The following DLGAP2 variants were observed in gnomAD, a reference collection of about 807,000 sequenced individuals.
The protein encoded by DLGAP2 is DLG associated protein 2.
A neutral mutation model predicts 100.3 loss-of-function variants in DLGAP2; 26 were observed. That is an observed-to-expected ratio of 0.26 (90% CI 0.19 to 0.36). The LOEUF (loss-of-function observed/expected upper bound fraction) is 0.36. Ranked by LOEUF, DLGAP2 falls within the 10% of genes least tolerant of loss-of-function variation. The pLI is 1.00. For synonymous variants in DLGAP2, 886 were observed against 630.1 expected (o/e 1.41, Z -6.08); for missense variants, 1,858 against 1,453.2 (o/e 1.28, Z -4.53).
chr8:1,130,819 G>A (rs140306829), intron 2 of DLGAP2, among the ~76,000 whole-genome samples: 35 of 140,600 alleles, frequency 2.5e-4, no homozygotes, highest in Non-Finnish European at 4.6e-4. Context: ...CGGCTGGGCT[G>A]AGAGACCGGA....
intron 2 of DLGAP2, among the ~76,000 whole-genome samples, chr8:1,090,624 C>G (rs1392246051): frequency 6.6e-6 from 1 of 152,202 alleles, no homozygotes; most frequent in Non-Finnish European, 1.5e-5. Context: ...GGTCTTGCCT[C>G]TTGCTGACTG....
chr8:1,117,721 C>T (rs549547848), intron 2 of DLGAP2, among the ~76,000 whole-genome samples: 1 of 152,274 alleles, frequency 6.6e-6, no homozygotes, highest in South Asian at 2.1e-4. Flanking sequence ...GGCTGTTCTC[C>T]AGACCAGGAC....
chr8:1,674,338 C>T (rs1798760274), intron 10 of DLGAP2, among the ~76,000 whole-genome samples: 1 of 152,220 alleles, frequency 6.6e-6, no homozygotes, highest in African/African-American at 2.4e-5. Flanking sequence ...AGCCACCATG[C>T]CCAGCTCCAT....
chr8:1,607,959 G>GT (rs1796863522), intron 6 of DLGAP2, among the ~76,000 whole-genome samples: 1 of 143,228 alleles, frequency 7.0e-6, no homozygotes, highest in Non-Finnish European at 1.5e-5. Context: ...AGCGAGGCTG[G>GT]GGGAGGGGCG....
At chr8:1,313,259 G>C (rs977616456) in intron 3 of DLGAP2, among the ~76,000 whole-genome samples, 1 of 152,232 alleles carries the variant, frequency 6.6e-6, no homozygotes, top group African/African-American at 2.4e-5. Context: ...CTGGAATCTT[G>C]TTGTTGTTCA....
Position 1,455,869 on chromosome 8 carries a change from G to A in DLGAP2, c.107-45497G>A, listed in dbSNP as rs538009121. ...ACAGACTCCAGGACGGCAGGCGGTCGGTCTGTCTTGTTCACTGTCTCGGCC... is the reference window on the plus strand; with the variant it reads ...ACAGACTCCAGGACGGCAGGCGGTCAGTCTGTCTTGTTCACTGTCTCGGCC... On this transcript the variant is annotated intron_variant, in intron 3 of 14. Transcript: ENST00000637795. 5.9e-5 allele frequency among the ~76,000 whole-genome samples: 9 copies of A among 152,274 alleles called. No individual in the cohort carries two copies. In the South Asian group the frequency reaches 1.7e-3, roughly 28 times the overall value.
chr8:1,158,867 A>G (rs575509060), intron 2 of DLGAP2, among the ~76,000 whole-genome samples: 26 of 152,176 alleles, frequency 1.7e-4, no homozygotes, highest in Admixed American at 2.6e-4. Context: ...CTTACTTCCT[A>G]TTTTCCAAAG....
chr8:999,136 T>G (rs995444122), intron 2 of DLGAP2, among the ~76,000 whole-genome samples: 1 of 152,074 alleles, frequency 6.6e-6, no homozygotes, highest in East Asian at 1.9e-4. Flanking sequence ...CTGATATTTG[T>G]TATTCTGCAC....
intron 8 of DLGAP2, among the ~76,000 whole-genome samples, chr8:1,640,712 C>T (rs1797877345): frequency 6.6e-6 from 1 of 152,136 alleles, no homozygotes; most frequent in South Asian, 2.1e-4. Flanking sequence ...CGGGCCTGAG[C>T]ACAGCACCAA....
rs140014776 is a variant in DLGAP2, at chr8:849,606, G to C, written c.19-58306G>C. ...GTTCCAGCGGTGCAACATCCTTCCAGGACCCCTGTAGCCTGGGCTAATGGT... is the reference window on the plus strand; with the variant it reads ...GTTCCAGCGGTGCAACATCCTTCCACGACCCCTGTAGCCTGGGCTAATGGT... On this transcript the variant is annotated intron_variant, in intron 1 of 14. Coordinates refer to ENST00000637795, the MANE Select transcript of DLGAP2 (RefSeq NM_001346810.2). 3.5e-3 allele frequency among the ~76,000 whole-genome samples: 537 copies of C among 152,250 alleles called. 4 individuals carry two copies. The highest frequency in any genetic ancestry group is 6.1e-3 in the Non-Finnish European group (418 of 68,024).
chr8:1,286,078 C>T (rs1205040925), intron 3 of DLGAP2, among the ~76,000 whole-genome samples: 3 of 152,196 alleles, frequency 2.0e-5, no homozygotes, highest in Admixed American at 6.5e-5. Flanking sequence ...GTAGTAATCG[C>T]TGTGTGTCAA....
intron 2 of DLGAP2, among the ~76,000 whole-genome samples, chr8:1,246,346 G>A (rs966305485): frequency 6.6e-6 from 1 of 152,158 alleles, no homozygotes; most frequent in Admixed American, 6.5e-5. Context: ...TCAAGCGATG[G>A]TGCTTTTGGA....
intron 2 of DLGAP2, among the ~76,000 whole-genome samples, chr8:1,244,741 G>C (rs1183966814): frequency 6.6e-6 from 1 of 152,176 alleles, no homozygotes; most frequent in Non-Finnish European, 1.5e-5. Context: ...GACACCCAAA[G>C]CGCAAAGCAC....
chr8:1,300,326 A>AG (rs1800303190), intron 3 of DLGAP2: 1 of 152,012 alleles, frequency 6.6e-6, no homozygotes, highest in Non-Finnish European at 1.5e-5. Context: ...CAGGGGACTG[A>AG]GGGGAAGGGT....
intron 3 of DLGAP2, among the ~76,000 whole-genome samples, chr8:1,372,884 A>T (rs1218642553): frequency 6.6e-6 from 1 of 152,136 alleles, no homozygotes; most frequent in Non-Finnish European, 1.5e-5. Flanking sequence ...CTTCCTTGTG[A>T]AATCTTAGGG....
chr8:1,027,901 G>T (rs1306617021), intron 2 of DLGAP2, among the ~76,000 whole-genome samples: 2 of 142,508 alleles, frequency 1.4e-5, no homozygotes, highest in African/African-American at 5.3e-5. Context: ...CCAGGCGCCC[G>T]TTATTCTCCA....
chr8:1,504,114 G>C (rs910785787), intron 4 of DLGAP2, among the ~76,000 whole-genome samples: 1 of 151,970 alleles, frequency 6.6e-6, no homozygotes, highest in Non-Finnish European at 1.5e-5. Flanking sequence ...CTTGGGGAAA[G>C]TTTAAAAACA....
chr8:1,227,793 G>A (rs1294991423), intron 2 of DLGAP2, among the ~76,000 whole-genome samples: 3 of 152,144 alleles, frequency 2.0e-5, no homozygotes, highest in South Asian at 4.1e-4. Flanking sequence ...GTACAAAGGA[G>A]CAGATAAGAT....
chr8:877,272 A>G (rs1019557642), intron 1 of DLGAP2, among the ~76,000 whole-genome samples: 1 of 152,128 alleles, frequency 6.6e-6, no homozygotes, highest in East Asian at 1.9e-4. Context: ...TGCCAGTGAT[A>G]GTGGTCCTTC....
Sources: gnomAD v4.1 joint callset for allele counts (sites outside exome capture counted in the v4.1 genomes callset) on GRCh38, gnomAD v4.1.1 for gene constraint, MANE v1.5 for transcripts, NCBI Gene and HGNC (gene_info 2026-07-23, HGNC 2026-07-21) for gene names.